LRIF1: variants seen among roughly 807,000 people sequenced by gnomAD.
LRIF1 encodes ligand dependent nuclear receptor interacting factor 1.
A neutral mutation model predicts 52.7 loss-of-function variants in LRIF1; 32 were observed. The ratio of observed to expected loss-of-function variants is 0.61; its 90% CI spans 0.46 to 0.82. LRIF1 has a LOEUF of 0.82. Among genes scored for constraint, LRIF1 ranks in the 40% least tolerant of loss-of-function variants. LRIF1 has a pLI of 0.00. For synonymous variants in LRIF1, 323 were observed against 317.4 expected (o/e 1.02, Z -0.19); for missense variants, 887 against 892.0 (o/e 0.99, Z 0.07).
At chr1:110,957,483 A>G (rs913862145) in intron 1 of LRIF1, among the ~76,000 whole-genome samples, 2 of 148,816 alleles carry the variant, frequency 1.3e-5, no homozygotes, top group Non-Finnish European at 3.0e-5. Flanking sequence ...AAAAAAAAAA[A>G]AAAAAAAAAG....
intron 1 of LRIF1, among the ~76,000 whole-genome samples, chr1:110,953,748 T>G (rs1215656707): frequency 6.6e-6 from 1 of 152,230 alleles, no homozygotes; most frequent in African/African-American, 2.4e-5. Flanking sequence ...TGAGCTTTCA[T>G]GTCACACATA....
the LRIF1 span, chr1:110,892,604 T>C: frequency 5.6e-6 from 7 of 1,249,508 alleles, no homozygotes; most frequent in South Asian, 9.3e-5. Flanking sequence ...AAGATGTTTC[T>C]TGGTAGATCA....
intron 3 of LRIF1, among the ~76,000 whole-genome samples, chr1:110,949,232 C>T (rs1658351360): frequency 6.6e-6 from 1 of 151,768 alleles, no homozygotes; most frequent in Non-Finnish European, 1.5e-5. Context: ...ATTCTCCTGC[C>T]CTCAGCTTCC....
chr1:110,951,746 C>A lies in LRIF1; in HGVS notation c.1138G>T (p.Asp380Tyr). The change falls in exon 2 of 4, where the codon GAC (aspartate) becomes TAC (tyrosine). Residue 380 changes from aspartate (D) to tyrosine (Y), a missense_variant. By Grantham distance (160) the Asp-to-Tyr change is radical. Coordinates refer to ENST00000369763, the MANE Select transcript of LRIF1 (RefSeq NM_018372.4). Reference sequence around the variant, plus strand: ...TCAGGAGAAACAGAATTCTGTTGGTCAATTTGTGATGGCAGAACATCTGTC... The same window carrying A: ...TCAGGAGAAACAGAATTCTGTTGGTAAATTTGTGATGGCAGAACATCTGTC... ...KGTDVLPSQI[D>Y]QQNSVSPDTP... The A allele has an allele frequency of 6.2e-7, 1 of 1,613,402 alleles. No individual in the cohort carries two copies. Among genetic ancestry groups the A allele is most frequent in the South Asian group, 1.1e-5 (1 of 91,060 alleles).
At chr1:110,884,826 AT>A in the LRIF1 span, among the ~76,000 whole-genome samples, 1 of 139,776 alleles carries the variant, frequency 7.2e-6, no homozygotes, top group Admixed American at 7.5e-5. Context: ...TTTAAAATGT[AT>A]TCGCTTCTTT....
chr1:110,948,485 G>C, intron 3 of LRIF1, 86 bp from the exon 4 acceptor site: 5 of 1,469,808 alleles, frequency 3.4e-6, no homozygotes, highest in Non-Finnish European at 3.6e-6. Flanking sequence ...AACGTCTGCA[G>C]AAACAAATAT....
At chr1:110,890,892 C>T in the LRIF1 span, among the ~76,000 whole-genome samples, 3 of 152,154 alleles carry the variant, frequency 2.0e-5, no homozygotes, top group Non-Finnish European at 2.9e-5. Context: ...ATAAATGAGG[C>T]GTGGATATGT....
At chr1:110,943,270 AATTTCAGAATAAAGTTAAG>A, downstream of LRIF1, among the ~76,000 whole-genome samples, 1 of 152,302 alleles carries the variant, frequency 6.6e-6, no homozygotes, top group South Asian at 2.1e-4. Flanking sequence ...AATTTGACTG[AATTTCAGAATAAAGTTAAG>A]TAAGAGACCA....
chr1:110,949,870 T>C lies in LRIF1; in HGVS notation c.1850A>G (p.Lys617Arg), dbSNP rs748043389. 1.2e-6 allele frequency: 2 copies of C among 1,613,890 alleles called. No individual in the cohort carries two copies. The highest frequency in any genetic ancestry group is 2.2e-5 in the East Asian group (1 of 44,850). The change falls in exon 3 of 4, where the codon AAG (lysine) becomes AGG (arginine). Residue 617 changes from lysine (K) to arginine (R), a missense_variant. Coordinates refer to ENST00000369763, the MANE Select transcript of LRIF1 (RefSeq NM_018372.4). The part of the protein sequence containing the change: ...GTYKETEFMV[K>R]EGERKQQNFD... ...ACCTACCTGTTTTCTCTCTCCTTCC[T>C]TCACCATAAACTCTGTCTCTTTGTA... is the stretch of plus-strand genomic sequence containing the variant.
At chr1:110,935,553 G>A in the LRIF1 span, among the ~76,000 whole-genome samples, 1 of 152,172 alleles carries the variant, frequency 6.6e-6, no homozygotes. Context: ...AATGCAGTTG[G>A]CATATTGAAG....
At position 110,950,113 on chromosome 1, in the gene LRIF1, T is replaced by G. The variant is rs1346590616; in HGVS notation, c.1607A>C (p.Glu536Ala). 6.2e-7 allele frequency: 1 copy of G among 1,609,290 alleles called. No individual in the cohort carries two copies. Among genetic ancestry groups the G allele is most frequent in the Admixed American group, 1.7e-5 (1 of 59,648 alleles). Residue 536 changes from glutamate (E) to alanine (A), a missense_variant, in exon 3 of 4, where the codon GAG (glutamate) becomes GCG (alanine). Glu to Ala is a moderately radical substitution (Grantham distance 107). Coordinates refer to ENST00000369763, the MANE Select transcript of LRIF1 (RefSeq NM_018372.4). ...ACCTTTATCTGATGTTGATGCCATC[T>G]CATTATGGATCTGGAATTAGGAAAA... ...FRDQEPKIHNEMASTSDKGAQ... is the reference protein window; with the variant it reads ...FRDQEPKIHNAMASTSDKGAQ...
chr1:110,911,595 A>G, the LRIF1 span, among the ~76,000 whole-genome samples: 1 of 152,306 alleles, frequency 6.6e-6, no homozygotes, highest in South Asian at 2.1e-4. Context: ...ACAAACACAA[A>G]ATCCTCAACA....
chr1:110,945,832 G>A (rs1479099892), downstream of LRIF1, among the ~76,000 whole-genome samples: 1 of 152,190 alleles, frequency 6.6e-6, no homozygotes, highest in Non-Finnish European at 1.5e-5. Context: ...AAATCAAGAA[G>A]ACTGACAATT....
chr1:110,912,214 C>A, the LRIF1 span, among the ~76,000 whole-genome samples: 2 of 151,586 alleles, frequency 1.3e-5, no homozygotes, highest in African/African-American at 4.9e-5. Flanking sequence ...CTTTCCTTTA[C>A]TTATTTATTT....
At chr1:110,890,619 G>A in the LRIF1 span, among the ~76,000 whole-genome samples, 432 of 152,148 alleles carry the variant, frequency 2.8e-3, 2 homozygotes, top group African/African-American at 0.01. Flanking sequence ...AAGCGAAAAG[G>A]AAAAGTCAAA....
chr1:110,949,609 G>A (rs1490591299), intron 3 of LRIF1, among the ~76,000 whole-genome samples: 7 of 151,500 alleles, frequency 4.6e-5, no homozygotes. Flanking sequence ...TAGTAGAGAC[G>A]GGGTTTCATC....
the LRIF1 span, among the ~76,000 whole-genome samples, chr1:110,897,146 G>T: frequency 6.6e-6 from 1 of 152,190 alleles, no homozygotes; most frequent in African/African-American, 2.4e-5. Flanking sequence ...GCCCCTTAGG[G>T]AAATGAATCA....
chr1:110,876,811 A>G, the LRIF1 span, among the ~76,000 whole-genome samples: 2 of 152,208 alleles, frequency 1.3e-5, no homozygotes, highest in Non-Finnish European at 2.9e-5. Context: ...AAAAGGTTGA[A>G]AAAATATTAT....
the LRIF1 span, among the ~76,000 whole-genome samples, chr1:110,914,207 T>A: frequency 1.3e-5 from 2 of 152,042 alleles, no homozygotes; most frequent in African/African-American, 4.8e-5. Flanking sequence ...GTGAGTACTA[T>A]GCTCACTCCC....
Sources: gnomAD v4.1 joint callset for allele counts (sites outside exome capture counted in the v4.1 genomes callset) on GRCh38, gnomAD v4.1.1 for gene constraint, MANE v1.5 for transcripts, NCBI Gene and HGNC (gene_info 2026-07-23, HGNC 2026-07-21) for gene names.